Variants in TECRL observed in about 807,000 individuals in gnomAD.
TECRL encodes the protein trans-2,3-enoyl-CoA reductase like.
In TECRL, 63 loss-of-function variants were observed where a neutral mutation model predicts 52.8. The ratio of observed to expected loss-of-function variants is 1.19; its 90% CI spans 0.97 to 1.47. TECRL has a LOEUF of 1.47. Among genes scored for constraint, TECRL ranks in the 40% most tolerant of loss-of-function variants. The pLI is 0.00. For missense variants in TECRL, 482 were observed against 429.6 expected (o/e 1.12, Z -1.08); for synonymous variants, 164 against 141.9 (o/e 1.16, Z -1.10).
chr4:64,304,462 T>C (rs930630386), intron 7 of TECRL, among the ~76,000 whole-genome samples: 1 of 152,060 alleles, frequency 6.6e-6, no homozygotes, highest in Non-Finnish European at 1.5e-5. Flanking sequence ...AAAGTTTGAA[T>C]ATACCATTTA....
chr4:64,388,067 C>A (rs1723297794), intron 1 of TECRL, among the ~76,000 whole-genome samples: 1 of 151,344 alleles, frequency 6.6e-6, no homozygotes, highest in South Asian at 2.1e-4. Flanking sequence ...TTCAAAAGAT[C>A]TTTGCCAAAT....
chr4:64,320,112 T>C lies in TECRL; in HGVS notation c.435+2577A>G, dbSNP rs541582842. ...GAATTAATACAAAAATGGTGAAAAC[T>C]GCATAACTTTAATTAATTAACAGTC... On this transcript the variant is annotated intron_variant, in intron 4 of 11. Transcript: ENST00000381210. Among the ~76,000 whole-genome samples, 3 of 152,000 alleles carry C rather than the reference T, an allele frequency of 2.0e-5. No individual in the cohort carries two copies. In the East Asian group the frequency reaches 5.8e-4, roughly 29 times the overall value.
rs781765556 is a variant in TECRL, at chr4:64,309,843, A to G, written c.640T>C (p.Leu214=). The G allele has an allele frequency of 1.2e-6, 2 of 1,607,534 alleles. No homozygotes were observed. The highest frequency in any genetic ancestry group is 1.1e-5 in the South Asian group (1 of 90,790). The change falls in exon 6 of 12, where the codon TTG becomes CTG. Residue 214 remains leucine, a synonymous_variant. Transcript: ENST00000381210. ...VHKVSAGHTP[L]KNLIMSCAFY... is the part of the protein sequence containing the mutation. ...ATCCTCACCATTATCAAATTTTTCAAAGGTGTGTGTCCTGCAGAAACTTTG... is the reference window on the plus strand; with the variant it reads ...ATCCTCACCATTATCAAATTTTTCAGAGGTGTGTGTCCTGCAGAAACTTTG...
chr4:64,335,597 C>T (rs758555330), intron 2 of TECRL, among the ~76,000 whole-genome samples: 1 of 152,084 alleles, frequency 6.6e-6, no homozygotes, highest in Non-Finnish European at 1.5e-5. Flanking sequence ...GTCTCTGGTG[C>T]CAAAAAGGTT....
intron 2 of TECRL, among the ~76,000 whole-genome samples, chr4:64,346,375 C>T (rs1298534619): frequency 6.6e-6 from 1 of 152,204 alleles, no homozygotes. Context: ...AGAAGAGGTT[C>T]TTCTTGAGAG....
chr4:64,299,977 A>C lies in TECRL; in HGVS notation c.771T>G (p.Phe257Leu). 2 of 1,574,116 alleles carry C rather than the reference A, an allele frequency of 1.3e-6. No individual in the cohort carries two copies. The highest frequency in any genetic ancestry group is 1.7e-6 in the Non-Finnish European group (2 of 1,156,780). The change falls in exon 8 of 12, where the codon TTT (phenylalanine) becomes TTG (leucine). Residue 257 changes from phenylalanine to leucine, a missense_variant. Physicochemically the swap from Phe to Leu is conservative, Grantham distance 22. Coordinates refer to ENST00000381210, the MANE Select transcript of TECRL (RefSeq NM_001010874.5). Reference sequence around the variant, plus strand: ...AAAATATATATATGATACATACCAGAAAATTGATAGCAGATACTGTGATTT... The same window carrying C: ...AAAATATATATATGATACATACCAGCAAATTGATAGCAGATACTGTGATTT... ...NRQITVSAIN[F>L]LICEAGNHFI...
chr4:64,361,719 G>C (rs910958005), intron 2 of TECRL, among the ~76,000 whole-genome samples: 1 of 151,970 alleles, frequency 6.6e-6, no homozygotes, highest in Admixed American at 6.6e-5. Context: ...CCCTATCTGA[G>C]AGACAACTTC....
At position 64,280,201 on chromosome 4, in the gene TECRL, T is replaced by C; in HGVS notation, c.965-2A>G. The stretch of plus-strand genomic sequence containing the variant: ...TCATCAGAAGTGTAAAAATTCCAAC[T>C]AGAAGAAAAAAGAAATAATTATTAT... On this transcript the variant is annotated splice_acceptor_variant, in intron 11 of 11. Coordinates refer to ENST00000381210, the MANE Select transcript of TECRL (RefSeq NM_001010874.5). LOFTEE classifies it high-confidence loss of function. 1 of 1,497,708 alleles carries C rather than the reference T, an allele frequency of 6.7e-7. No individual in the cohort carries two copies. Among genetic ancestry groups the C allele is most frequent in the Non-Finnish European group, 8.9e-7 (1 of 1,123,308 alleles). The allele number at this position is 1,497,708 out of a possible 1,614,324, so 92.8% of individuals were successfully genotyped here. A position where few individuals can be genotyped will look rare whatever the true frequency, so the allele number is the denominator to read the frequency against.
intron 1 of TECRL, among the ~76,000 whole-genome samples, chr4:64,403,999 C>G (rs758145820): frequency 6.6e-6 from 1 of 151,824 alleles, no homozygotes; most frequent in African/African-American, 2.4e-5. Flanking sequence ...TGCTAAGTAT[C>G]ATGTACAAGG....
At chr4:64,317,200 C>A (rs1238948386) in intron 4 of TECRL, among the ~76,000 whole-genome samples, 1 of 151,954 alleles carries the variant, frequency 6.6e-6, no homozygotes, top group Non-Finnish European at 1.5e-5. Flanking sequence ...ATGGCGTGAA[C>A]CTGGGAGGCG....
chr4:64,393,056 AC>A (rs1224421384), intron 1 of TECRL, among the ~76,000 whole-genome samples: 1 of 151,910 alleles, frequency 6.6e-6, no homozygotes, highest in Non-Finnish European at 1.5e-5. Context: ...TGACTAACAA[AC>A]CCCGAAGTCC....
intron 2 of TECRL, among the ~76,000 whole-genome samples, chr4:64,331,709 C>A (rs555699880): frequency 3.9e-5 from 6 of 152,104 alleles, no homozygotes; most frequent in African/African-American, 1.4e-4. Context: ...TGAAATAAAA[C>A]CTTTTGTACC....
chr4:64,353,660 T>C (rs2109583189), intron 2 of TECRL, among the ~76,000 whole-genome samples: 1 of 152,248 alleles, frequency 6.6e-6, no homozygotes, highest in East Asian at 1.9e-4. Context: ...GATACTAATA[T>C]ATAAGATATC....
intron 1 of TECRL, among the ~76,000 whole-genome samples, chr4:64,386,403 A>AGG (rs1723180099): frequency 6.6e-6 from 1 of 152,076 alleles, no homozygotes; most frequent in Admixed American, 6.6e-5. Flanking sequence ...GAGGAAGATG[A>AGG]GGGTTTGGTT....
intron 1 of TECRL, among the ~76,000 whole-genome samples, chr4:64,403,557 T>C (rs1724507155): frequency 6.6e-6 from 1 of 151,724 alleles, no homozygotes; most frequent in Non-Finnish European, 1.5e-5. Context: ...ATATTCTTCT[T>C]ATAAACTATC....
In TECRL at chr4:64,360,438, TACAG is replaced by T. The variant is rs201175219; in HGVS notation, c.286+14730_286+14733del. The stretch of plus-strand genomic sequence containing the variant: ...TTTCAGCAAAGGTAAAATGAAAATA[TACAG>T]ACAAACTTTAAAATCAAGAGAACAT... On this transcript the variant is annotated intron_variant, in intron 2 of 11. Transcript: ENST00000381210. Among the ~76,000 whole-genome samples, 1,461 of 152,272 alleles carry T rather than the reference TACAG, an allele frequency of 9.6e-3. 23 individuals are homozygous for T. Among genetic ancestry groups the T allele is most frequent in the African/African-American group, 0.033 (1,392 of 41,554 alleles).
intron 2 of TECRL, among the ~76,000 whole-genome samples, chr4:64,344,242 CTATT>C (rs1430158407): frequency 2.0e-5 from 3 of 151,784 alleles, no homozygotes; most frequent in African/African-American, 4.8e-5. Flanking sequence ...AATATAATCT[CTATT>C]TATATCTCTA....
intron 1 of TECRL, among the ~76,000 whole-genome samples, chr4:64,376,234 A>G (rs1428289506): frequency 6.6e-6 from 1 of 151,918 alleles, no homozygotes; most frequent in Non-Finnish European, 1.5e-5. Flanking sequence ...CTAAGCATTC[A>G]GTATACTGTT....
At chr4:64,322,199 C>A (rs1185965005) in intron 4 of TECRL, among the ~76,000 whole-genome samples, 1 of 152,072 alleles carries the variant, frequency 6.6e-6, no homozygotes, top group Non-Finnish European at 1.5e-5. Flanking sequence ...TTGTCCCTCC[C>A]TAGTACATGT....
Sources: gnomAD v4.1 joint callset for allele counts (sites outside exome capture counted in the v4.1 genomes callset) on GRCh38, gnomAD v4.1.1 for gene constraint, MANE v1.5 for transcripts, NCBI Gene and HGNC (gene_info 2026-07-23, HGNC 2026-07-21) for gene names.